Variants in DIP2C observed in about 807,000 individuals in gnomAD.
The protein encoded by DIP2C is DIP2 acetate--CoA ligase C (putative).
A neutral mutation model predicts 192.4 loss-of-function variants in DIP2C; 33 were observed. The ratio of observed to expected loss-of-function variants is 0.17; its 90% CI spans 0.13 to 0.23. DIP2C has a LOEUF of 0.23. DIP2C is among the 10% of genes least tolerant of loss of function. The pLI is 1.00. For missense variants in DIP2C, 1,537 were observed against 2,110.1 expected (o/e 0.73, Z 5.32); for synonymous variants, 979 against 864.1 (o/e 1.13, Z -2.33).
rs534174112 is a variant in DIP2C, at chr10:587,582, C to T, written c.86-101052G>A. On this transcript the variant is annotated intron_variant, in intron 1 of 36. Transcript: ENST00000280886. Reference sequence around the variant, plus strand: ...ACAAGTCGCTTCAGCCCTGACCCTCCTGAAACCCCACATCCACACCAGGCA... The same window carrying T: ...ACAAGTCGCTTCAGCCCTGACCCTCTTGAAACCCCACATCCACACCAGGCA... Among the ~76,000 whole-genome samples the T allele has an allele frequency of 2.0e-3, 311 of 152,230 alleles. 2 individuals carry two copies. The highest frequency in any genetic ancestry group is 3.6e-3 in the Non-Finnish European group (247 of 67,950).
intron 1 of DIP2C, among the ~76,000 whole-genome samples, chr10:645,900 C>T (rs1396177384): frequency 3.3e-5 from 5 of 152,200 alleles, no homozygotes; most frequent in African/African-American, 1.2e-4. Context: ...CAAAATGCTG[C>T]GTCCCCCGAC....
chr10:541,074 G>T (rs936751956), intron 1 of DIP2C, among the ~76,000 whole-genome samples: 1 of 101,626 alleles, frequency 9.8e-6, no homozygotes, highest in African/African-American at 5.9e-5. Flanking sequence ...ACCCGATGCT[G>T]GGGAGCCACA....
Position 390,393 on chromosome 10 carries a change from T to G in DIP2C, c.1385-20A>C. ...GCCAACCTTGGAAATAAACAACAAGTTCCTTTTAAATGTTACTCTGAAAGT... is the reference window on the plus strand; with the variant it reads ...GCCAACCTTGGAAATAAACAACAAGGTCCTTTTAAATGTTACTCTGAAAGT... On this transcript the variant is annotated intron_variant, in intron 11 of 36. Transcript: ENST00000280886. 1.9e-6 allele frequency: 3 copies of G among 1,607,742 alleles called. No individual in the cohort carries two copies. The highest frequency in any genetic ancestry group is 2.6e-6 in the Non-Finnish European group (3 of 1,174,658).
chr10:507,718 A>G (rs1194555787), intron 1 of DIP2C, among the ~76,000 whole-genome samples: 6 of 152,150 alleles, frequency 3.9e-5, no homozygotes. Context: ...GTTCCCGCAC[A>G]TTCCTTTCAG....
chr10:427,924 G>A (rs1966699904), intron 4 of DIP2C, among the ~76,000 whole-genome samples: 1 of 152,028 alleles, frequency 6.6e-6, no homozygotes, highest in Admixed American at 6.5e-5. Context: ...CCAAGATAAA[G>A]GAAATTATAC....
intron 31 of DIP2C, among the ~76,000 whole-genome samples, chr10:321,125 T>G (rs1956988133): frequency 6.6e-6 from 1 of 152,158 alleles, no homozygotes; most frequent in African/African-American, 2.4e-5. Context: ...AGAGCCGATT[T>G]TTGCAAAGTA....
intron 33 of DIP2C, 51 bp from the exon 34 acceptor site, chr10:286,398 A>T (rs1215806502): frequency 6.5e-7 from 1 of 1,534,270 alleles, no homozygotes; most frequent in Non-Finnish European, 9.0e-7. Context: ...ACAGGGAGAG[A>T]CTACACACAA....
At position 464,807 on chromosome 10, in the gene DIP2C, G is replaced by A. The variant is rs189708932; in HGVS notation, c.268+7632C>T. On this transcript the variant is annotated intron_variant, in intron 3 of 36. Transcript: ENST00000280886. ...TCTAGAAGAAATGGATACATTCCTC[G>A]ACACATACTCTCTCCCAAGACTAAA... is the stretch of plus-strand genomic sequence containing the variant. 1.5e-3 allele frequency among the ~76,000 whole-genome samples: 225 copies of A among 152,126 alleles called. 1 individual carries two copies. The highest frequency in any genetic ancestry group is 5.0e-3 in the African/African-American group (206 of 41,512).
intron 4 of DIP2C, among the ~76,000 whole-genome samples, chr10:426,353 T>C (rs186265397): frequency 5.6e-4 from 85 of 152,260 alleles, no homozygotes; most frequent in African/African-American, 2.0e-3. Flanking sequence ...TCCAAATAAA[T>C]GGAAACTAAA....
intron 1 of DIP2C, among the ~76,000 whole-genome samples, chr10:601,814 G>C (rs1852094137): frequency 6.6e-6 from 1 of 152,228 alleles, no homozygotes; most frequent in African/African-American, 2.4e-5. Context: ...CGATGGGGTG[G>C]CTGATCGGGG....
Position 414,069 on chromosome 10 carries a change from G to C in DIP2C, c.901C>G (p.Gln301Glu). The change falls in exon 8 of 37, where the codon CAG becomes GAG. Residue 301 changes from glutamine to glutamate, a missense_variant. Around this residue, in one of 4 missense-constraint regions of DIP2C, gnomAD observed 473 missense variants for 539.6 expected, o/e 0.88. Coordinates refer to ENST00000280886, the MANE Select transcript of DIP2C (RefSeq NM_014974.3). ...TGCTCTCCGCGCATGGCCAGCATCT[G>C]GGCCCCCTCCGGCTTTGGTTGGTTC... is the stretch of plus-strand genomic sequence containing the variant. ...DPNQPKPEGAQMLAMRGEQLG... is the reference protein window; with the variant it reads ...DPNQPKPEGAEMLAMRGEQLG... 1 of 1,613,904 alleles carries C rather than the reference G, an allele frequency of 6.2e-7. No individual in the cohort carries two copies. Among genetic ancestry groups the C allele is most frequent in the Non-Finnish European group, 8.5e-7 (1 of 1,179,834 alleles).
chr10:317,450 G>A (rs1008879449), intron 31 of DIP2C, among the ~76,000 whole-genome samples: 3 of 152,244 alleles, frequency 2.0e-5, no homozygotes, highest in Admixed American at 2.0e-4. Flanking sequence ...TTAGAGAGAG[G>A]GCGTGGGAAG....
intron 3 of DIP2C, among the ~76,000 whole-genome samples, chr10:470,984 G>A (rs994272145): frequency 2.6e-5 from 4 of 152,232 alleles, no homozygotes; most frequent in African/African-American, 7.2e-5. Context: ...GTTGGTCACA[G>A]GCTGACAGTA....
intron 1 of DIP2C, among the ~76,000 whole-genome samples, chr10:519,344 C>CCG (rs1554889107): frequency 1.3e-5 from 2 of 152,206 alleles, no homozygotes; most frequent in Non-Finnish European, 2.9e-5. Flanking sequence ...GAAAGACCCC[C>CCG]GGGGGCTGGA....
chr10:528,638 ACT>A (rs577767737), intron 1 of DIP2C, among the ~76,000 whole-genome samples: 265 of 152,066 alleles, frequency 1.7e-3, no homozygotes, highest in African/African-American at 2.8e-3. Context: ...CACTCGCTGG[ACT>A]CTCTGCCGAC....
chr10:316,019 G>A (rs1290141512), intron 31 of DIP2C, among the ~76,000 whole-genome samples: 1 of 151,814 alleles, frequency 6.6e-6, no homozygotes, highest in Admixed American at 6.6e-5. Flanking sequence ...TTTTCTCATA[G>A]TTTTTATCTT....
chr10:502,551 A>G (rs1462338753), intron 1 of DIP2C, among the ~76,000 whole-genome samples: 2 of 152,140 alleles, frequency 1.3e-5, no homozygotes, highest in Non-Finnish European at 1.5e-5. Flanking sequence ...TGAAAACAGA[A>G]AGGAGGAAAC....
In DIP2C at chr10:478,718, G is replaced by A. The variant is rs184846446; in HGVS notation, c.158-6169C>T. On this transcript the variant is annotated intron_variant, in intron 2 of 36. Transcript: ENST00000280886. Reference sequence around the variant, plus strand: ...ATTCTCACTCATCTCGTGTCCGGGCGTGCTGGGGGTGTAGACACATCCAAA... The same window carrying A: ...ATTCTCACTCATCTCGTGTCCGGGCATGCTGGGGGTGTAGACACATCCAAA... Among the ~76,000 whole-genome samples the A allele has an allele frequency of 5.5e-3, 826 of 149,722 alleles. 4 individuals carry two copies. The highest frequency in any genetic ancestry group is 9.2e-3 in the Non-Finnish European group (620 of 67,418).
chr10:417,986 CCCTGTCCACCTGCACCTGTCAGGGCGCG>C lies in DIP2C; in HGVS notation c.739+1051_739+1078del, dbSNP rs1267056162. ...CACCTGTCAGGGCTCGGATAGGCCT[CCCTGTCCACCTGCACCTGTCAGGGCGCG>C]GACAGGCCTCCCTGTCCACCTGTTC... is the stretch of plus-strand genomic sequence containing the variant. On this transcript the variant is annotated intron_variant, in intron 6 of 36. Coordinates refer to ENST00000280886, the MANE Select transcript of DIP2C (RefSeq NM_014974.3). 3.3e-4 allele frequency among the ~76,000 whole-genome samples: 36 copies of C among 108,002 alleles called. 3 individuals are homozygous for C. Among genetic ancestry groups the C allele is most frequent in the Middle Eastern group, 4.6e-3 (1 of 218 alleles). The allele number at this position is 108,002 out of a possible 152,430, so 70.9% of individuals were successfully genotyped here.
Sources: gnomAD v4.1 joint callset for allele counts (sites outside exome capture counted in the v4.1 genomes callset) on GRCh38, gnomAD v4.1.1 for gene constraint, gnomAD v4.1.1 regional missense constraint, MANE v1.5 for transcripts, NCBI Gene and HGNC (gene_info 2026-07-23, HGNC 2026-07-21) for gene names.